Variants in COL22A1 observed in about 807,000 individuals in gnomAD.
COL22A1 encodes the protein collagen type XXII alpha 1 chain.
COL22A1 carries 221 observed loss-of-function variants against 248.9 expected under a neutral mutation model. The observed-to-expected ratio is 0.89, with a 90% CI of 0.80 to 0.99. The LOEUF is 0.99. Ranked by LOEUF, COL22A1 falls within the 50% of genes least tolerant of loss-of-function variation. The pLI, the probability that COL22A1 is intolerant of heterozygous loss-of-function variation, is 0.00. For synonymous variants in COL22A1, 891 were observed against 793.4 expected (o/e 1.12, Z -2.07); for missense variants, 2,240 against 2,179.0 (o/e 1.03, Z -0.56).
chr8:138,779,638 C>T, intron 13 of COL22A1, 76 bp from the exon 14 acceptor site: 1 of 985,066 alleles, frequency 1.0e-6, no homozygotes, highest in Non-Finnish European at 1.6e-6. Flanking sequence ...CCACAGTCTC[C>T]CAGGGCCTCT....
At chr8:138,687,006 G>A (rs1213679904) in intron 37 of COL22A1, among the ~76,000 whole-genome samples, 4 of 152,084 alleles carry the variant, frequency 2.6e-5, no homozygotes, top group Non-Finnish European at 5.9e-5. Context: ...ATCCAGACTG[G>A]AGTGCAGTGA....
chr8:138,634,898 G>A, intron 49 of COL22A1, 112 bp downstream of exon 49: 3 of 789,690 alleles, frequency 3.8e-6, no homozygotes, highest in South Asian at 3.1e-5. Context: ...TTGGGTGTTG[G>A]GCCATCCCTT....
At chr8:138,593,925 A>C in intron 63 of COL22A1, 92 bp downstream of exon 63, 1 of 1,004,434 alleles carries the variant, frequency 1.0e-6, no homozygotes, top group East Asian at 2.9e-5. Flanking sequence ...TGAGAGTGGC[A>C]TGAATAATGC....
chr8:138,729,861 T>G (rs1223416237), intron 23 of COL22A1, among the ~76,000 whole-genome samples: 1 of 152,120 alleles, frequency 6.6e-6, no homozygotes, highest in East Asian at 1.9e-4. Flanking sequence ...CATTCAGCCT[T>G]GTCCTGATTA....
chr8:138,737,419 G>A (rs1314389290), intron 23 of COL22A1, 105 bp downstream of exon 23: 1 of 801,730 alleles, frequency 1.2e-6, no homozygotes, highest in Non-Finnish European at 2.2e-6. Context: ...GTTTGATGAG[G>A]TGACCAGCAG....
At position 138,724,642 on chromosome 8, in the gene COL22A1, C is replaced by T. The variant is rs75753265; in HGVS notation, c.2220G>A (p.Pro740=). 3,317 of 1,614,154 alleles carry T rather than the reference C, an allele frequency of 2.1e-3. 50 individuals carry two copies. In the African/African-American group the frequency reaches 0.039, roughly 19 times the overall value. The stretch of plus-strand genomic sequence containing the variant: ...TGGGCCCAGGAGGTCCAGGCTTTCC[C>T]GGGAAGCCGATCTCTCCAGGCAAAC... ...SPGLPGEIGF[P]GKPGPPGPTG... The change falls in exon 25 of 65, where the codon CCG becomes CCA. Residue 740 remains proline (P), a synonymous_variant. Coordinates refer to ENST00000303045, the MANE Select transcript of COL22A1 (RefSeq NM_152888.3).
At chr8:138,693,893 T>C (rs546169509) in intron 34 of COL22A1, among the ~76,000 whole-genome samples, 194 bp from the exon 35 acceptor site, 74 of 152,120 alleles carry the variant, frequency 4.9e-4, no homozygotes, top group African/African-American at 1.7e-3. Context: ...CATATCGCGA[T>C]TTCATTCCAT....
intron 3 of COL22A1, among the ~76,000 whole-genome samples, chr8:138,859,267 G>C (rs943678576): frequency 1.3e-5 from 2 of 152,204 alleles, no homozygotes; most frequent in Non-Finnish European, 2.9e-5. Context: ...CAGGCCACAG[G>C]AACAGGAGCA....
chr8:138,617,872 G>A (rs897426674), intron 53 of COL22A1, among the ~76,000 whole-genome samples: 1 of 152,076 alleles, frequency 6.6e-6, no homozygotes, highest in African/African-American at 2.4e-5. Flanking sequence ...TTGCTGTCAG[G>A]ACTGAATAAG....
intron 30 of COL22A1, among the ~76,000 whole-genome samples, chr8:138,708,428 C>T (rs906847487): frequency 2.0e-5 from 3 of 152,164 alleles, no homozygotes; most frequent in Non-Finnish European, 2.9e-5. Flanking sequence ...GGTACTGGTA[C>T]CAAAACGGAG....
chr8:138,593,001 A>C (rs2131780356), intron 63 of COL22A1, among the ~76,000 whole-genome samples: 1 of 152,304 alleles, frequency 6.6e-6, no homozygotes, highest in African/African-American at 2.4e-5. Flanking sequence ...GATAAAGAAA[A>C]TGTGGCACAT....
intron 18 of COL22A1, 126 bp from the exon 19 acceptor site, chr8:138,755,955 A>G (rs1191915993): frequency 1.3e-6 from 1 of 759,126 alleles, no homozygotes. Flanking sequence ...CACCACACAT[A>G]TCTTCGTCTT....
chr8:138,887,497 C>T (rs1159686310), intron 1 of COL22A1, among the ~76,000 whole-genome samples: 2 of 152,278 alleles, frequency 1.3e-5, no homozygotes, highest in South Asian at 2.1e-4. Context: ...GGATTACAGG[C>T]GTGAGCCACC....
At chr8:138,678,062 A>T (rs2130813173) in intron 40 of COL22A1, among the ~76,000 whole-genome samples, 1 of 152,348 alleles carries the variant, frequency 6.6e-6, no homozygotes, top group East Asian at 1.9e-4. Context: ...TGGCTCTAAG[A>T]TGACTTGCCT....
rs536700835 is a variant in COL22A1, at chr8:138,686,655, T to A, written c.2863-1343A>T. ...CAAATCCCGGGCCCGGCCCTCAGCC[T>A]GGGCCTCTGCTCAGCCAAGGAAAGG... On this transcript the variant is annotated intron_variant, in intron 37 of 64. Transcript: ENST00000303045. 8.8e-5 allele frequency among the ~76,000 whole-genome samples: 13 copies of A among 148,490 alleles called. No homozygotes were observed. In the East Asian group the frequency reaches 2.5e-3, roughly 29 times the overall value.
intron 30 of COL22A1, among the ~76,000 whole-genome samples, chr8:138,710,724 A>C (rs1447481234): frequency 6.6e-6 from 1 of 152,160 alleles, no homozygotes; most frequent in Non-Finnish European, 1.5e-5. Context: ...CTCAGAATGC[A>C]TGCCCTTTAC....
intron 16 of COL22A1, among the ~76,000 whole-genome samples, chr8:138,763,107 C>G (rs1833630060): frequency 1.3e-5 from 2 of 152,148 alleles, no homozygotes; most frequent in African/African-American, 2.4e-5. Context: ...AAACAAAAGC[C>G]TGGGCGTGGT....
chr8:138,751,379 A>T, intron 22 of COL22A1, 79 bp downstream of exon 22: 1 of 985,802 alleles, frequency 1.0e-6, no homozygotes, highest in South Asian at 1.5e-5. Flanking sequence ...GACACTGTCT[A>T]TCTTCTCTGC....
At chr8:138,785,150 C>T (rs1468504872) in intron 12 of COL22A1, among the ~76,000 whole-genome samples, 4 of 152,144 alleles carry the variant, frequency 2.6e-5, no homozygotes, top group Non-Finnish European at 5.9e-5. Flanking sequence ...GGGATTCTGC[C>T]CTTCCTCTTC....
Sources: gnomAD v4.1 joint callset for allele counts (sites outside exome capture counted in the v4.1 genomes callset) on GRCh38, gnomAD v4.1.1 for gene constraint, MANE v1.5 for transcripts, NCBI Gene and HGNC (gene_info 2026-07-23, HGNC 2026-07-21) for gene names.